The following ADCK5 variants were observed in gnomAD, a reference collection of about 807,000 sequenced individuals.
ADCK5 encodes the protein aarF domain containing kinase 5, also known as uncharacterized aarF domain-containing protein kinase 5.
Under a neutral mutation model 64.9 loss-of-function variants are expected in ADCK5, and 43 were observed. The ratio of observed to expected loss-of-function variants is 0.66; its 90% CI spans 0.52 to 0.85. The LOEUF (loss-of-function observed/expected upper bound fraction) is 0.85, where lower values mean the gene tolerates loss of function less well. Ranked by LOEUF, ADCK5 falls within the 40% of genes least tolerant of loss-of-function variation. The pLI, the probability that ADCK5 is intolerant of heterozygous loss-of-function variation, is 0.00. For synonymous variants in ADCK5, 434 were observed against 342.8 expected (o/e 1.27, Z -2.94); for missense variants, 760 against 810.5 (o/e 0.94, Z 0.76).
chr8:144,380,865 G>A (rs1341284141), intron 2 of ADCK5, among the ~76,000 whole-genome samples: 1 of 141,564 alleles, frequency 7.1e-6, no homozygotes, highest in African/African-American at 2.7e-5. Context: ...GGCACCTGCC[G>A]CACTAAGGAT....
intron 3 of ADCK5, among the ~76,000 whole-genome samples, chr8:144,383,943 A>AGTG (rs1182844043): frequency 3.9e-4 from 48 of 123,338 alleles, no homozygotes; most frequent in African/African-American, 1.4e-3. Context: ...CCCAGGCTGG[A>AGTG]GTGCAGTGGC....
At position 144,393,062 on chromosome 8, in the gene ADCK5, C is replaced by A; in HGVS notation, c.1731C>A (p.Tyr577Ter). Residue 577 changes from tyrosine to a stop codon, truncating the protein, a stop_gained, in exon 15 of 15, where the codon TAC becomes TAA. Transcript: ENST00000308860. LOFTEE classifies it high-confidence loss of function. ...LVPPAEELYQ[Y>*]LET ...CCCCAGCGGAGGAGCTCTACCAGTA[C>A]CTGGAGACCTAGGGTGCAGCCGCCC... The A allele has an allele frequency of 6.3e-7, 1 of 1,580,242 alleles. No individual in the cohort carries two copies. The highest frequency in any genetic ancestry group is 8.6e-7 in the Non-Finnish European group (1 of 1,167,614).
Position 144,393,232 on chromosome 8 carries a change from C to T in ADCK5, c.*158C>T. On this transcript the variant is annotated 3_prime_UTR_variant, in exon 15 of 15. Coordinates refer to ENST00000308860, the MANE Select transcript of ADCK5 (RefSeq NM_174922.5). ...CCGTGTAATGACCACACACTCCTCT[C>T]AAGCAAAAAATGTTTTTCCTTGTGT... The T allele has an allele frequency of 7.1e-7, 1 of 1,409,954 alleles. No individual in the cohort carries two copies. The highest frequency in any genetic ancestry group is 9.5e-7 in the Non-Finnish European group (1 of 1,057,444). The allele number at this position is 1,409,954 out of a possible 1,614,324, so 87.3% of individuals were successfully genotyped here.
intron 3 of ADCK5, among the ~76,000 whole-genome samples, chr8:144,387,512 C>T (rs1391603899): frequency 6.6e-6 from 1 of 151,760 alleles, no homozygotes; most frequent in African/African-American, 2.4e-5. Context: ...GCAATTCTCC[C>T]AGCCCCAGTC....
In ADCK5 at chr8:144,384,432, A is replaced by G. The variant is rs530352984; in HGVS notation, c.266+1202A>G. ...CTGGGCACCTGAGGATTTTCAGCCT[A>G]AAAGACAAAACAGTCGTTCCCCACG... On this transcript the variant is annotated intron_variant, in intron 3 of 14. Coordinates refer to ENST00000308860, the MANE Select transcript of ADCK5 (RefSeq NM_174922.5). The surrounding 1 kb of genome is among the most constrained non-coding windows in gnomAD (Gnocchi z 5.7). Among the ~76,000 whole-genome samples the G allele has an allele frequency of 2.6e-4, 39 of 152,238 alleles. 1 individual carries two copies. Among genetic ancestry groups the G allele is most frequent in the Non-Finnish European group, 4.8e-4 (33 of 68,050 alleles).
chr8:144,392,428 C>G lies in ADCK5; in HGVS notation c.1268-17C>G. On this transcript the variant is annotated splice_polypyrimidine_tract_variant and intron_variant, in intron 12 of 14. Coordinates refer to ENST00000308860, the MANE Select transcript of ADCK5 (RefSeq NM_174922.5). Reference sequence around the variant, plus strand: ...CCACTCAGAGCCCCCTCCCTCCCTCCCTCCCTCCCTCCCCAGACTACCTCC... The same window carrying G: ...CCACTCAGAGCCCCCTCCCTCCCTCGCTCCCTCCCTCCCCAGACTACCTCC... The G allele has an allele frequency of 9.5e-7, 1 of 1,051,758 alleles. No individual in the cohort carries two copies. 65.2% of individuals were successfully genotyped at this position (1,051,758 alleles called of 1,614,324 possible).
At chr8:144,374,926 C>G (rs1819305438) in intron 1 of ADCK5, among the ~76,000 whole-genome samples, 1 of 152,234 alleles carries the variant, frequency 6.6e-6, no homozygotes, top group Non-Finnish European at 1.5e-5. Flanking sequence ...ACGCATCTTA[C>G]CCACCCCCTT....
Position 144,392,324 on chromosome 8 carries a change from G to A in ADCK5, c.1246G>A (p.Ala416Thr), listed in dbSNP as rs1293071057. The A allele has an allele frequency of 1.7e-5, 25 of 1,500,118 alleles. No homozygotes were observed. In the East Asian group the frequency reaches 4.9e-4, roughly 30 times the overall value. 92.9% of individuals were successfully genotyped at this position (1,500,118 alleles called of 1,614,324 possible). Residue 416 changes from alanine (A) to threonine (T), a missense_variant, in exon 12 of 15, where the codon GCA becomes ACA. Physicochemically the swap from Ala to Thr is moderately conservative, Grantham distance 58. This residue lies in a region of ADCK5 where 333 missense variants were observed against 292.0 expected (regional missense o/e 1.14). Transcript: ENST00000308860. ...LRDDAAMRAH[A>T]AALGVQDYLL... ...GGACGACGCCGCCATGAGGGCGCAC[G>A]CAGCCGCACTGGGGGTGCAAGGTGA... is the stretch of plus-strand genomic sequence containing the variant.
chr8:144,391,347 C>G lies in ADCK5; in HGVS notation c.685-14C>G. The G allele has an allele frequency of 9.9e-6, 16 of 1,612,922 alleles. No individual in the cohort carries two copies. Among genetic ancestry groups the G allele is most frequent in the Non-Finnish European group, 1.3e-5 (15 of 1,179,948 alleles). ...TGGGGCCCCAAGTTCTCACCACACC[C>G]TCGCCCAGTGCAGGTGCAGTACATC... On this transcript the variant is annotated splice_polypyrimidine_tract_variant and intron_variant, in intron 6 of 14. Coordinates refer to ENST00000308860, the MANE Select transcript of ADCK5 (RefSeq NM_174922.5).
intron 1 of ADCK5, among the ~76,000 whole-genome samples, chr8:144,378,827 C>T (rs1819479339): frequency 6.6e-6 from 1 of 151,886 alleles, no homozygotes; most frequent in Non-Finnish European, 1.5e-5. Flanking sequence ...TGTAGTGAGC[C>T]GAGATTGTGC....
intron 10 of ADCK5, 26 bp from the exon 11 acceptor site, chr8:144,392,066 C>T (rs375545962): frequency 1.5e-5 from 24 of 1,612,066 alleles, no homozygotes; most frequent in South Asian, 4.4e-5. Context: ...GTGGGCGCAG[C>T]GCGACCTAAG....
At chr8:144,390,630 G>A (rs1437834538) in intron 3 of ADCK5, 41 bp from the exon 4 acceptor site, 14 of 1,602,872 alleles carry the variant, frequency 8.7e-6, no homozygotes, top group Middle Eastern at 1.7e-4. Flanking sequence ...CCGGGGCCCC[G>A]AGCCTGCCCC....
chr8:144,393,124 A>G lies in ADCK5; in HGVS notation c.*50A>G, dbSNP rs1554861775. On this transcript the variant is annotated 3_prime_UTR_variant, in exon 15 of 15. Transcript: ENST00000308860. ...GGCCCTTTTCACCTTGGGCTGACGG[A>G]GGTGGCGGGGCTAGAGGTGTAGACA... The G allele has an allele frequency of 6.8e-7, 1 of 1,473,228 alleles. No homozygotes were observed. The highest frequency in any genetic ancestry group is 1.4e-5 in the African/African-American group (1 of 70,900). 91.3% of individuals were successfully genotyped at this position (1,473,228 alleles called of 1,614,324 possible). A position where few individuals can be genotyped will look rare whatever the true frequency, so the allele number is the denominator to read the frequency against.
At chr8:144,374,236 G>A in intron 1 of ADCK5, 129 bp downstream of exon 1, 1 of 888,538 alleles carries the variant, frequency 1.1e-6, no homozygotes, top group South Asian at 5.8e-5. Flanking sequence ...TTGAGGCAGG[G>A]TCTCGCTCTG....
At chr8:144,385,683 G>A (rs1819885237) in intron 3 of ADCK5, among the ~76,000 whole-genome samples, 1 of 151,052 alleles carries the variant, frequency 6.6e-6, no homozygotes, top group South Asian at 2.1e-4. Flanking sequence ...CCTATATGTG[G>A]CCGGGCATGG....
Position 144,392,645 on chromosome 8 carries a change from A to G in ADCK5, c.1468A>G (p.Ile490Val), listed in dbSNP as rs1554861430. The stretch of plus-strand genomic sequence containing the variant: ...GCGCAACATCAACACCGTGCGCGCT[A>G]TCAACGTGGCCCTCGGCGCCCCCGT... Reference protein sequence around the residue: ...VLRNINTVRAINVALGAPVDR... With the variant: ...VLRNINTVRAVNVALGAPVDR... Residue 490 changes from isoleucine (I) to valine (V), a missense_variant, in exon 13 of 15, where the codon ATC becomes GTC. By Grantham distance (29) the Ile-to-Val change is conservative. Transcript: ENST00000308860. 1.3e-6 allele frequency: 2 copies of G among 1,594,842 alleles called. No individual in the cohort carries two copies. Among genetic ancestry groups the G allele is most frequent in the South Asian group, 1.1e-5 (1 of 89,438 alleles).
intron 1 of ADCK5, among the ~76,000 whole-genome samples, chr8:144,377,857 T>G (rs1554857441): frequency 6.6e-6 from 1 of 152,240 alleles, no homozygotes; most frequent in African/African-American, 2.4e-5. Flanking sequence ...GGCTGGGCAC[T>G]GTTGCCACTT....
intron 13 of ADCK5, 39 bp downstream of exon 13, chr8:144,392,736 T>C (rs2130738538): frequency 3.1e-6 from 5 of 1,588,676 alleles, no homozygotes; most frequent in East Asian, 2.3e-5. Flanking sequence ...GTGGTGGGGC[T>C]GGTGTGGGGC....
rs1554858936 is a variant in ADCK5, at chr8:144,384,496, C to T, written c.266+1266C>T. Among the ~76,000 whole-genome samples the T allele has an allele frequency of 6.6e-6, 1 of 152,196 alleles. No individual in the cohort carries two copies. Among genetic ancestry groups the T allele is most frequent in the East Asian group, 1.9e-4 (1 of 5,196 alleles). ...CATCTGGTTTTGCTTGGAGTTCCTG[C>T]TGTCCCTGCCTGCAGATTTTGGGTG... On this transcript the variant is annotated intron_variant, in intron 3 of 14. Transcript: ENST00000308860. The surrounding 1 kb of genome is among the most constrained non-coding windows in gnomAD (Gnocchi z 5.7).
Sources: allele counts gnomAD v4.1 joint callset (sites outside exome capture counted in the v4.1 genomes callset), GRCh38; gene constraint gnomAD v4.1.1; regional missense constraint gnomAD v4.1.1; non-coding constraint Gnocchi (gnomAD v3.1); transcripts MANE v1.5; gene names NCBI Gene and HGNC (gene_info 2026-07-23, HGNC 2026-07-21).